WDR35: variants seen among roughly 807,000 people sequenced by gnomAD.
WDR35 encodes the protein WD repeat domain 35, also known as WD repeat-containing protein 35.
A neutral mutation model predicts 158.3 loss-of-function variants in WDR35; 118 were observed. The observed-to-expected ratio is 0.75, with a 90% CI of 0.64 to 0.87. The LOEUF is 0.87. Ranked by LOEUF, WDR35 falls within the 40% of genes least tolerant of loss-of-function variation. WDR35 has a pLI of 0.00. For synonymous variants in WDR35, 448 were observed against 476.1 expected (o/e 0.94, Z 0.77); for missense variants, 1,263 against 1,405.8 (o/e 0.90, Z 1.62).
At position 19,910,936 on chromosome 2, in the gene WDR35, T is replaced by G; in HGVS notation, c.*2622A>C. ...AAAGATGTGCCTGTCTATATACATATGCGCGCACACACACACGCACACAAA... is the reference window on the plus strand; with the variant it reads ...AAAGATGTGCCTGTCTATATACATAGGCGCGCACACACACACGCACACAAA... On this transcript the variant is annotated 3_prime_UTR_variant, in exon 27 of 27. Coordinates refer to ENST00000281405, the MANE Select transcript of WDR35 (RefSeq NM_020779.4). 6.6e-6 allele frequency: 1 copy of G among 152,280 alleles called. No homozygotes were observed. Among genetic ancestry groups the G allele is most frequent in the East Asian group, 1.9e-4 (1 of 5,186 alleles). 9.4% of individuals were successfully genotyped at this position (152,280 alleles called of 1,614,324 possible).
intron 21 of WDR35, 103 bp from the exon 22 acceptor site, chr2:19,933,614 G>T: frequency 1.0e-6 from 1 of 985,172 alleles, no homozygotes; most frequent in Non-Finnish European, 1.6e-6. Flanking sequence ...TAAATTTACT[G>T]GTAGTTACAG....
chr2:19,955,167 G>T (rs1365629104), intron 11 of WDR35, among the ~76,000 whole-genome samples: 1 of 152,024 alleles, frequency 6.6e-6, no homozygotes, highest in Non-Finnish European at 1.5e-5. Context: ...TGGCCAGATT[G>T]TCTCCATCTC....
intron 8 of WDR35, among the ~76,000 whole-genome samples, chr2:19,971,972 T>C (rs1026725790): frequency 1.3e-5 from 2 of 152,130 alleles, no homozygotes; most frequent in Non-Finnish European, 1.5e-5. Flanking sequence ...CTAAATAACT[T>C]CTCTACGTCA....
chr2:19,914,688 A>G (rs1339729984), intron 25 of WDR35, among the ~76,000 whole-genome samples: 1 of 152,236 alleles, frequency 6.6e-6, no homozygotes, highest in Non-Finnish European at 1.5e-5. Flanking sequence ...GTTAAAAAAA[A>G]AGCAAAACAA....
intron 8 of WDR35, among the ~76,000 whole-genome samples, chr2:19,972,038 G>A (rs1327835596): frequency 6.6e-6 from 1 of 152,052 alleles, no homozygotes. Context: ...CAAACCCTAT[G>A]CTCTGTTATC....
intron 2 of WDR35, among the ~76,000 whole-genome samples, chr2:19,984,895 T>C (rs1225290140): frequency 6.6e-6 from 1 of 152,188 alleles, no homozygotes; most frequent in South Asian, 2.1e-4. Flanking sequence ...CACATAAGGA[T>C]AATACAATTC....
intron 16 of WDR35, among the ~76,000 whole-genome samples, chr2:19,945,295 G>C (rs1313950111): frequency 6.6e-6 from 1 of 151,970 alleles, no homozygotes; most frequent in East Asian, 1.9e-4. Flanking sequence ...AGAATATCTG[G>C]GTTAAGAAAG....
intron 16 of WDR35, among the ~76,000 whole-genome samples, chr2:19,943,727 C>G (rs193000645): frequency 6.4e-4 from 98 of 152,108 alleles, no homozygotes; most frequent in African/African-American, 2.1e-3. Context: ...AAGAACAAAA[C>G]AGCGCAATCA....
intron 8 of WDR35, among the ~76,000 whole-genome samples, chr2:19,971,621 T>C (rs1672036974): frequency 1.3e-5 from 2 of 152,180 alleles, no homozygotes; most frequent in African/African-American, 4.8e-5. Flanking sequence ...AGCTCCATTT[T>C]CCCAAGGAAA....
intron 25 of WDR35, among the ~76,000 whole-genome samples, chr2:19,924,180 T>A (rs1210673161): frequency 1.3e-5 from 2 of 152,156 alleles, no homozygotes; most frequent in Admixed American, 1.3e-4. Flanking sequence ...TCCCTTTATG[T>A]GGAGAACAAT....
chr2:19,936,659 TA>T (rs1379780601), intron 19 of WDR35, among the ~76,000 whole-genome samples: 2 of 152,206 alleles, frequency 1.3e-5, no homozygotes, highest in Admixed American at 1.3e-4. Flanking sequence ...ATGAATTGAT[TA>T]ATGCCCTCAT....
Position 19,930,634 on chromosome 2 carries a change from G to A in WDR35, c.2965-82C>T. 3 of 1,573,906 alleles carry A rather than the reference G, an allele frequency of 1.9e-6. No individual in the cohort carries two copies. The South Asian group carries it at 3.3e-5, about 18-fold the overall frequency. ...CTCCCAAATAACAACAGTCATTAAAGTATCTAAATGAGCAGATTTTATCAT... is the reference window on the plus strand; with the variant it reads ...CTCCCAAATAACAACAGTCATTAAAATATCTAAATGAGCAGATTTTATCAT... On this transcript the variant is annotated intron_variant, in intron 24 of 26. Transcript: ENST00000281405.
chr2:19,934,074 C>CCACA lies in WDR35; in HGVS notation c.2548-564_2548-563insTGTG, dbSNP rs1553316751. Reference sequence around the variant, plus strand: ...ACCACCACCACCACCACCACCACCACAAAAAAAAATCCTACTTGTTCAGCT... The same window carrying CCACA: ...ACCACCACCACCACCACCACCACCACCACAAAAAAAAAATCCTACTTGTTCAGCT... On this transcript the variant is annotated intron_variant, in intron 21 of 26. Coordinates refer to ENST00000281405, the MANE Select transcript of WDR35 (RefSeq NM_020779.4). This position sits in a 1 kb window ranked among gnomAD's most constrained non-coding sequence, Gnocchi z 4.6. Among the ~76,000 whole-genome samples the CCACA allele has an allele frequency of 2.9e-5, 4 of 137,398 alleles. No homozygotes were observed. The highest frequency in any genetic ancestry group is 7.6e-5 in the Admixed American group (1 of 13,192). The allele number at this position is 137,398 out of a possible 152,430, so 90.1% of individuals were successfully genotyped here.
chr2:19,954,145 A>G (rs531184879), intron 11 of WDR35, among the ~76,000 whole-genome samples, 167 bp from the exon 12 acceptor site: 1 of 152,368 alleles, frequency 6.6e-6, no homozygotes, highest in East Asian at 1.9e-4. Flanking sequence ...GAAAAGAATC[A>G]AAAGCTTGTA....
rs188399472 is a variant in WDR35 at position 19,944,240 on chromosome 2, C to T, written c.1845+1546G>A. 1.6e-4 allele frequency among the ~76,000 whole-genome samples: 25 copies of T among 152,214 alleles called. No homozygotes were observed. The East Asian group carries it at 1.7e-3, about 11-fold the overall frequency. On this transcript the variant is annotated intron_variant, in intron 16 of 26. Transcript: ENST00000281405. ...AAGGTTTTAAGAAATCCATCTAGCT[C>T]TAAATCTAACAGAAATCGAACTACA...
At chr2:19,989,355 A>G in intron 1 of WDR35, 73 bp from the exon 2 acceptor site, 1 of 1,325,316 alleles carries the variant, frequency 7.5e-7, no homozygotes, top group Middle Eastern at 1.8e-4. Context: ...AGGAGATGAA[A>G]GCTGAAGAAA....
At chr2:19,968,130 C>T (rs1261804551) in intron 9 of WDR35, among the ~76,000 whole-genome samples, 1 of 152,168 alleles carries the variant, frequency 6.6e-6, no homozygotes, top group Non-Finnish European at 1.5e-5. Context: ...TTAGATTGGA[C>T]TTCAGGTTTT....
At position 19,946,479 on chromosome 2, in the gene WDR35, G is replaced by T; in HGVS notation, c.1616C>A (p.Ser539Tyr). Residue 539 changes from serine (S) to tyrosine (Y), a missense_variant, in exon 15 of 27, where the codon TCC becomes TAC. Transcript: ENST00000281405. The stretch of plus-strand genomic sequence containing the variant: ...GGCTTACCTAGAGTTGCAATTCAAG[G>T]ATAACTGGTAGGCTCGACAATTAAG... ...YSLNCRAYQL[S>Y]LNCNSSRLAI... 1 of 1,613,516 alleles carries T rather than the reference G, an allele frequency of 6.2e-7. No homozygotes were observed.
chr2:19,935,482 T>TG lies in WDR35; in HGVS notation c.2535dup (p.Lys846GlnfsTer17). On this transcript the variant is annotated frameshift_variant, in exon 21 of 27. Coordinates refer to ENST00000281405, the MANE Select transcript of WDR35 (RefSeq NM_020779.4). LOFTEE classifies it high-confidence loss of function. ...TTTGCAATACCTACTGGAAGTAACT[T>TG]GTGGTTTTCTGGAAGTGAAATGGCA... The TG allele has an allele frequency of 6.2e-7, 1 of 1,612,998 alleles. No individual in the cohort carries two copies. Among genetic ancestry groups the TG allele is most frequent in the Non-Finnish European group, 8.5e-7 (1 of 1,179,502 alleles).
Sources: gnomAD v4.1 joint callset for allele counts (sites outside exome capture counted in the v4.1 genomes callset) on GRCh38, gnomAD v4.1.1 for gene constraint, Gnocchi (gnomAD v3.1) non-coding constraint, MANE v1.5 for transcripts, NCBI Gene and HGNC (gene_info 2026-07-23, HGNC 2026-07-21) for gene names.